KDM3B: variants seen among roughly 807,000 people sequenced by gnomAD.
KDM3B encodes the protein lysine-specific demethylase 3B.
KDM3B carries 10 observed loss-of-function variants against 170.0 expected under a neutral mutation model. That is an observed-to-expected ratio of 0.06 (90% confidence interval 0.04 to 0.10). The LOEUF (loss-of-function observed/expected upper bound fraction) is 0.10, where lower values mean the gene tolerates loss of function less well. Ranked by LOEUF, KDM3B falls within the 10% of genes least tolerant of loss-of-function variation. The probability of loss-of-function intolerance (pLI) is 1.00; values close to 1 mark genes in which losing one functional copy is unlikely to be tolerated. For synonymous variants in KDM3B, 831 were observed against 834.8 expected, an observed-to-expected ratio of 1.00 and a Z score of 0.08; for missense variants, 1,394 against 2,195.2, an observed-to-expected ratio of 0.64 and a Z score of 7.29.
At chr5:138,353,463 C>G (rs899668096) in intron 1 of KDM3B, among the ~76,000 whole-genome samples, 3 of 152,312 alleles carry the variant, frequency 2.0e-5, no homozygotes, top group Admixed American at 2.0e-4. Context: ...ATGGGAGGCA[C>G]GGAGGCTGCA....
intron 1 of KDM3B, among the ~76,000 whole-genome samples, chr5:138,357,328 T>C (rs1761476177): frequency 6.6e-6 from 1 of 151,920 alleles, no homozygotes; most frequent in African/African-American, 2.4e-5. Flanking sequence ...TGGGAAGGAA[T>C]CCCCATCTTG....
intron 19 of KDM3B, 120 bp from the exon 20 acceptor site, chr5:138,427,847 C>A: frequency 2.4e-6 from 2 of 837,846 alleles, no homozygotes; most frequent in Non-Finnish European, 3.8e-6. Flanking sequence ...AACAAATAGA[C>A]TTCACTCTCC....
rs550380129 is a variant in KDM3B, at chr5:138,413,910, C to T, written c.3200-1222C>T. On this transcript the variant is annotated intron_variant, in intron 11 of 23. Transcript: ENST00000314358. Reference sequence around the variant, plus strand: ...TTGGTATTACAGGTGTAAGCCACTGCACCCAGCCGTGTAGCAGCTTTATTT... The same window carrying T: ...TTGGTATTACAGGTGTAAGCCACTGTACCCAGCCGTGTAGCAGCTTTATTT... 2.8e-4 allele frequency among the ~76,000 whole-genome samples: 43 copies of T among 152,242 alleles called. No homozygotes were observed. In the East Asian group the frequency reaches 8.1e-3, roughly 29 times the overall value.
intron 1 of KDM3B, among the ~76,000 whole-genome samples, chr5:138,363,407 CTCCAA>C (rs760632803): frequency 7.7e-4 from 118 of 152,268 alleles, no homozygotes; most frequent in Admixed American, 1.2e-3. Context: ...ACATTTGGGA[CTCCAA>C]TCCAAGGTAC....
intron 7 of KDM3B, 98 bp from the exon 8 acceptor site, chr5:138,390,915 C>T: frequency 8.5e-7 from 1 of 1,177,470 alleles, no homozygotes; most frequent in Non-Finnish European, 1.2e-6. Context: ...TGATGGACCC[C>T]CAAGAAATGT....
intron 1 of KDM3B, among the ~76,000 whole-genome samples, chr5:138,367,962 G>A (rs974308778): frequency 2.0e-5 from 3 of 151,288 alleles, no homozygotes; most frequent in Non-Finnish European, 4.4e-5. Flanking sequence ...GCAGTGAGCC[G>A]AGATCGCACC....
At chr5:138,377,656 C>A in intron 3 of KDM3B, 64 bp from the exon 4 acceptor site, 2 of 1,157,460 alleles carry the variant, frequency 1.7e-6, no homozygotes, top group South Asian at 1.3e-5. Context: ...TGATTTTTCT[C>A]AGCTGATTAG....
chr5:138,355,902 A>C (rs1201409090), intron 1 of KDM3B, among the ~76,000 whole-genome samples: 2 of 152,264 alleles, frequency 1.3e-5, no homozygotes, highest in East Asian at 1.9e-4. Context: ...CATCTTTCTT[A>C]ATGCTAGTAC....
At chr5:138,380,262 C>G (rs1044217123) in intron 5 of KDM3B, among the ~76,000 whole-genome samples, 1 of 151,280 alleles carries the variant, frequency 6.6e-6, no homozygotes, top group African/African-American at 2.4e-5. Context: ...GTTGGGATTA[C>G]AGGCATGAAC....
rs1223955994 is a variant in KDM3B at position 138,435,640 on chromosome 5, T to C, written c.5226T>C (p.His1742=). Residue 1742 remains histidine (H), a synonymous_variant, in exon 24 of 24, where the codon CAT becomes CAC. Transcript: ENST00000314358. ...TCTAGGTGAAGAACATCATTTACCA[T>C]GCAGTGAAAGATGCGGTTGGCACCC... ...DKLQVKNIIY[H]AVKDAVGTLK... 1.9e-6 allele frequency: 3 copies of C among 1,613,976 alleles called. No individual in the cohort carries two copies. The highest frequency in any genetic ancestry group is 1.1e-5 in the South Asian group (1 of 91,018).
chr5:138,384,132 G>A (rs1437346507), intron 6 of KDM3B, among the ~76,000 whole-genome samples: 1 of 151,626 alleles, frequency 6.6e-6, no homozygotes, highest in Non-Finnish European at 1.5e-5. Context: ...TGTAGTCCCA[G>A]CTACTCTGGA....
At chr5:138,414,589 T>C (rs1580939147) in intron 11 of KDM3B, among the ~76,000 whole-genome samples, 1 of 152,328 alleles carries the variant, frequency 6.6e-6, no homozygotes, top group Middle Eastern at 3.4e-3. Flanking sequence ...GTCATGATTG[T>C]GGTAGTTGTT....
chr5:138,376,547 C>CA (rs1270578530), intron 3 of KDM3B, among the ~76,000 whole-genome samples: 7 of 151,406 alleles, frequency 4.6e-5, no homozygotes, highest in African/African-American at 1.5e-4. Context: ...TACTAAAATA[C>CA]AAAAAAATTA....
intron 9 of KDM3B, among the ~76,000 whole-genome samples, chr5:138,395,908 G>A (rs929926510): frequency 1.3e-5 from 2 of 152,002 alleles, no homozygotes; most frequent in African/African-American, 4.8e-5. Context: ...GTGAGCCACT[G>A]CACCCTGCAC....
intron 7 of KDM3B, among the ~76,000 whole-genome samples, chr5:138,389,915 A>G (rs571268721): frequency 1.3e-5 from 2 of 151,818 alleles, no homozygotes; most frequent in African/African-American, 4.8e-5. Context: ...GCTGGAGTGC[A>G]GTGGCACGAT....
intron 1 of KDM3B, among the ~76,000 whole-genome samples, chr5:138,362,493 G>A (rs995311777): frequency 7.3e-5 from 11 of 150,962 alleles, no homozygotes; most frequent in Admixed American, 3.3e-4. Flanking sequence ...GGGTGCAGTG[G>A]TGTGCACCTA....
In KDM3B at chr5:138,375,374, A is replaced by T. The variant is rs534547220; in HGVS notation, c.474+168A>T. 3.3e-5 allele frequency among the ~76,000 whole-genome samples: 5 copies of T among 150,084 alleles called. No homozygotes were observed. The South Asian group carries it at 6.3e-4, about 19-fold the overall frequency. On this transcript the variant is annotated intron_variant, in intron 3 of 23. Transcript: ENST00000314358. ...TGCCTTTTTTATTTTATTTTATTTT[A>T]TTTATTTATTTATTTTTTTTTGAGA...
chr5:138,375,386 AT>A (rs558688969), intron 3 of KDM3B, among the ~76,000 whole-genome samples, 180 bp downstream of exon 3: 7 of 148,974 alleles, frequency 4.7e-5, no homozygotes, highest in East Asian at 3.9e-4. Context: ...TTATTTATTT[AT>A]TTTTTTTTGA....
In KDM3B at chr5:138,379,017, G is replaced by A. The variant is rs973642921; in HGVS notation, c.581-567G>A. 6.6e-5 allele frequency among the ~76,000 whole-genome samples: 10 copies of A among 151,960 alleles called. No individual in the cohort carries two copies. In the East Asian group the frequency reaches 1.2e-3, roughly 18 times the overall value. On this transcript the variant is annotated intron_variant, in intron 4 of 23. Transcript: ENST00000314358. ...TAAAGTAATATATTTGAAACTCTGC[G>A]TTCCTAGGAAGACAGGTGCTATATT...
Sources: gnomAD v4.1 joint callset for allele counts (sites outside exome capture counted in the v4.1 genomes callset) on GRCh38, gnomAD v4.1.1 for gene constraint, MANE v1.5 for transcripts, NCBI Gene and HGNC (gene_info 2026-07-23, HGNC 2026-07-21) for gene names.